TAF13: variants seen among roughly 807,000 people sequenced by gnomAD.
TAF13 encodes the protein transcription initiation factor TFIID subunit 13.
In TAF13, 9 loss-of-function variants were observed where a neutral mutation model predicts 18.7. The observed-to-expected ratio is 0.48, with a 90% confidence interval of 0.29 to 0.84. The LOEUF is 0.84. Ranked by LOEUF, TAF13 falls within the 40% of genes least tolerant of loss-of-function variation. The probability of loss-of-function intolerance (pLI) is 0.08; values close to 1 mark genes in which losing one functional copy is unlikely to be tolerated. For missense variants in TAF13, 105 were observed against 146.5 expected (o/e 0.72, Z 1.46); for synonymous variants, 49 against 44.1 (o/e 1.11, Z -0.44).
chr1:109,073,906 C>T (rs900519730), intron 2 of TAF13, among the ~76,000 whole-genome samples: 22 of 151,818 alleles, frequency 1.4e-4, no homozygotes, highest in Admixed American at 6.6e-4. Flanking sequence ...GCCGCTACTC[C>T]GTCTGGGAGG....
intron 2 of TAF13, among the ~76,000 whole-genome samples, chr1:109,073,674 C>A (rs146505823): frequency 6.6e-6 from 1 of 152,200 alleles, no homozygotes; most frequent in Non-Finnish European, 1.5e-5. Flanking sequence ...GTGCTCAATG[C>A]TGCCCAGGCT....
intron 3 of TAF13, among the ~76,000 whole-genome samples, chr1:109,064,978 G>C (rs1029973322): frequency 4.6e-5 from 7 of 151,746 alleles, no homozygotes; most frequent in Non-Finnish European, 1.0e-4. Flanking sequence ...TGTAGATTTT[G>C]TCTTCATTTA....
In TAF13 at chr1:109,066,169, A is replaced by G; in HGVS notation, c.170T>C (p.Leu57Pro). Residue 57 changes from leucine (L) to proline (P), a missense_variant, in exon 3 of 4, where the codon CTT becomes CCT. Physicochemically the swap from Leu to Pro is moderately conservative, Grantham distance 98. Transcript: ENST00000338366. ...QNPYTESVDI[L>P]EDLVIEFITE... is the part of the protein sequence containing the mutation. ...GATAAACTCTATGACAAGATCTTCA[A>G]GAATATCCACTGACTCAGTATAAGG... 1.2e-6 allele frequency: 2 copies of G among 1,613,294 alleles called. No homozygotes were observed. Among genetic ancestry groups the G allele is most frequent in the South Asian group, 1.1e-5 (1 of 90,904 alleles).
At position 109,068,480 on chromosome 1, in the gene TAF13, A is replaced by C. The variant is rs1401940750; in HGVS notation, c.107-2248T>G. ...AGACAGGGGTCTTGCTATGTTGCCTAGGCAGTTTTTGAACTGGTTTCTAAC... is the reference window on the plus strand; with the variant it reads ...AGACAGGGGTCTTGCTATGTTGCCTCGGCAGTTTTTGAACTGGTTTCTAAC... On this transcript the variant is annotated intron_variant, in intron 2 of 3. Coordinates refer to ENST00000338366, the MANE Select transcript of TAF13 (RefSeq NM_005645.4). Among the ~76,000 whole-genome samples the C allele has an allele frequency of 1.8e-4, 27 of 152,050 alleles. 1 individual carries two copies. The highest frequency in any genetic ancestry group is 2.9e-5 in the Non-Finnish European group (2 of 68,010).
chr1:109,073,835 G>T (rs533949787), intron 2 of TAF13, among the ~76,000 whole-genome samples: 242 of 152,112 alleles, frequency 1.6e-3, no homozygotes, highest in Non-Finnish European at 2.5e-3. Context: ...CATCCCCTGG[G>T]ATGTGGGGAA....
intron 2 of TAF13, among the ~76,000 whole-genome samples, chr1:109,073,279 C>G (rs958315490): frequency 2.0e-5 from 3 of 152,042 alleles, no homozygotes; most frequent in Non-Finnish European, 4.4e-5. Context: ...GTGGCTCACG[C>G]CTGTAATCCC....
chr1:109,065,436 C>G (rs1285507580), intron 3 of TAF13, among the ~76,000 whole-genome samples: 1 of 151,740 alleles, frequency 6.6e-6, no homozygotes. Flanking sequence ...CTGCAGTGAG[C>G]AATGATCATG....
intron 2 of TAF13, among the ~76,000 whole-genome samples, chr1:109,069,138 A>G (rs1181493117): frequency 1.3e-5 from 2 of 152,292 alleles, no homozygotes; most frequent in East Asian, 3.9e-4. Flanking sequence ...GTAAATGGTA[A>G]GAAATGCTGT....
intron 2 of TAF13, among the ~76,000 whole-genome samples, chr1:109,073,374 C>T (rs1557986663): frequency 6.6e-6 from 1 of 151,846 alleles, no homozygotes; most frequent in Admixed American, 6.6e-5. Context: ...CCCGTCTCTA[C>T]AAAAAATACA....
intron 2 of TAF13, among the ~76,000 whole-genome samples, chr1:109,073,956 G>C (rs946471313): frequency 4.8e-4 from 73 of 151,856 alleles, no homozygotes; most frequent in Non-Finnish European, 1.0e-4. Flanking sequence ...CGTCTGGGAG[G>C]TGAGGAGCGC....
chr1:109,073,828 C>T (rs1444727444), intron 2 of TAF13, among the ~76,000 whole-genome samples: 1 of 152,154 alleles, frequency 6.6e-6, no homozygotes, highest in African/African-American at 2.4e-5. Context: ...GGCTGCCCAT[C>T]CCCTGGGATG....
chr1:109,067,373 C>A (rs1663968635), intron 2 of TAF13, among the ~76,000 whole-genome samples: 1 of 151,168 alleles, frequency 6.6e-6, no homozygotes, highest in Non-Finnish European at 1.5e-5. Flanking sequence ...GAGGCTGAGG[C>A]AGATCACTTG....
chr1:109,072,905 G>T (rs560083213), intron 2 of TAF13, among the ~76,000 whole-genome samples: 2 of 150,186 alleles, frequency 1.3e-5, no homozygotes, highest in South Asian at 4.3e-4. Context: ...GTTAATTTTT[G>T]TATTTTTAGT....
intron 2 of TAF13, among the ~76,000 whole-genome samples, chr1:109,074,491 G>A (rs1056317148): frequency 4.8e-4 from 73 of 152,214 alleles, no homozygotes; most frequent in African/African-American, 1.7e-3. Context: ...TTGTTCACAT[G>A]TTTATCTGCT....
chr1:109,067,834 G>C (rs1002315670), intron 2 of TAF13, among the ~76,000 whole-genome samples: 1 of 152,112 alleles, frequency 6.6e-6, no homozygotes, highest in Non-Finnish European at 1.5e-5. Flanking sequence ...GAAAATTAAA[G>C]CACTGCAGTA....
intron 2 of TAF13, among the ~76,000 whole-genome samples, chr1:109,069,888 C>T (rs1035491644): frequency 2.0e-5 from 3 of 151,958 alleles, no homozygotes; most frequent in Non-Finnish European, 4.4e-5. Context: ...TAGTTCCTAT[C>T]GTTCTGTTTT....
intron 2 of TAF13, among the ~76,000 whole-genome samples, chr1:109,070,273 C>T (rs1664026685): frequency 6.6e-6 from 1 of 152,146 alleles, no homozygotes; most frequent in South Asian, 2.1e-4. Flanking sequence ...GGCTGGAGTT[C>T]AGTGGTGTGA....
At chr1:109,074,310 T>A (rs570283487) in intron 2 of TAF13, among the ~76,000 whole-genome samples, 32 of 152,284 alleles carry the variant, frequency 2.1e-4, no homozygotes, top group Admixed American at 2.1e-3. Context: ...ATGTGCTGTG[T>A]CCCCTCAGGG....
chr1:109,073,645 A>G lies in TAF13; in HGVS notation c.106+1342T>C, dbSNP rs373967745. The stretch of plus-strand genomic sequence containing the variant: ...GCCTCCCGAGGTGCCGGGATTCCAG[A>G]CGGAGTCTCGCTCACTCAGTGCTCA... On this transcript the variant is annotated intron_variant, in intron 2 of 3. Coordinates refer to ENST00000338366, the MANE Select transcript of TAF13 (RefSeq NM_005645.4). Among the ~76,000 whole-genome samples the G allele has an allele frequency of 2.3e-4, 35 of 152,252 alleles. No individual in the cohort carries two copies. The South Asian group carries it at 7.1e-3, about 31-fold the overall frequency.
Sources: allele counts gnomAD v4.1 joint callset (sites outside exome capture counted in the v4.1 genomes callset), GRCh38; gene constraint gnomAD v4.1.1; transcripts MANE v1.5; gene names NCBI Gene and HGNC (gene_info 2026-07-23, HGNC 2026-07-21).